Variants in SH3GL2 observed in about 807,000 individuals in gnomAD.
SH3GL2 encodes the protein endophilin-A1.
Under a neutral mutation model 46.0 loss-of-function variants are expected in SH3GL2, and 24 were observed. That is an observed-to-expected ratio of 0.52 (90% CI 0.38 to 0.73). The LOEUF (loss-of-function observed/expected upper bound fraction) is 0.73, where lower values mean the gene tolerates loss of function less well. Among genes scored for constraint, SH3GL2 ranks in the 30% least tolerant of loss-of-function variants. The pLI is 0.00. For synonymous variants in SH3GL2, 196 were observed against 147.1 expected (o/e 1.33, Z -2.40); for missense variants, 413 against 424.2 (o/e 0.97, Z 0.23).
intron 1 of SH3GL2, among the ~76,000 whole-genome samples, chr9:17,746,061 T>A (rs1411446724): frequency 1.3e-5 from 2 of 152,100 alleles, no homozygotes; most frequent in African/African-American, 2.4e-5. Flanking sequence ...TTTCAGAATA[T>A]AAAAGTGTAT....
At chr9:17,775,768 A>G (rs1369865419) in intron 3 of SH3GL2, among the ~76,000 whole-genome samples, 3 of 152,128 alleles carry the variant, frequency 2.0e-5, no homozygotes, top group African/African-American at 7.2e-5. Context: ...ATGGATGCTA[A>G]AGCCATTAGG....
chr9:17,697,534 C>T (rs1397873623), intron 1 of SH3GL2, among the ~76,000 whole-genome samples: 2 of 151,880 alleles, frequency 1.3e-5, no homozygotes, highest in African/African-American at 4.8e-5. Context: ...AAATGCATTT[C>T]TATACAGGTC....
intron 1 of SH3GL2, among the ~76,000 whole-genome samples, chr9:17,644,343 T>A (rs1240639963): frequency 6.6e-6 from 1 of 152,184 alleles, no homozygotes; most frequent in African/African-American, 2.4e-5. Context: ...TCTGCTCTGA[T>A]CTTAGTTATT....
intron 1 of SH3GL2, among the ~76,000 whole-genome samples, chr9:17,614,226 G>C (rs1196788416): frequency 7.7e-6 from 1 of 130,456 alleles, no homozygotes; most frequent in African/African-American, 2.9e-5. Context: ...TTCTTTCTCA[G>C]TCTTGACAAA....
chr9:17,657,501 T>C lies in SH3GL2; in HGVS notation c.45+78214T>C, dbSNP rs146346462. On this transcript the variant is annotated intron_variant, in intron 1 of 8. Transcript: ENST00000380607. The stretch of plus-strand genomic sequence containing the variant: ...ACGGATTTTGGTGTTATTCTAATTA[T>C]TCCTTTAAGCAAGTCATTTACGTTT... Among the ~76,000 whole-genome samples, 6 of 152,300 alleles carry C rather than the reference T, an allele frequency of 3.9e-5. No homozygotes were observed. In the East Asian group the frequency reaches 1.2e-3, roughly 29 times the overall value.
intron 2 of SH3GL2, among the ~76,000 whole-genome samples, chr9:17,756,107 C>T (rs12376522): frequency 0.055 from 8,311 of 151,860 alleles, 307 homozygotes; most frequent in Non-Finnish European, 0.083. Context: ...CCATTGACAG[C>T]GTTTAAATGA....
intron 1 of SH3GL2, among the ~76,000 whole-genome samples, chr9:17,719,793 GAAAAA>G (rs59406335): frequency 8.1e-6 from 1 of 123,542 alleles, no homozygotes; most frequent in African/African-American, 3.0e-5. Context: ...ACCCTGTCTT[GAAAAA>G]AAAAAAAAAA....
Position 17,645,182 on chromosome 9 carries a change from T to TTTTTTTTTTTTTTTTTTTTTTA in SH3GL2, c.45+65895_45+65896insTTTTTTTTTTTTTTTTTTTTTA, listed in dbSNP as rs1819781790. On this transcript the variant is annotated intron_variant, in intron 1 of 8. Coordinates refer to ENST00000380607, the MANE Select transcript of SH3GL2 (RefSeq NM_003026.5). ...TTTTTTTTTTTTTTTTTTTTTTTTT[T>TTTTTTTTTTTTTTTTTTTTTTA]GCTTTCCATTGCTTGGTAAATCTTC... Among the ~76,000 whole-genome samples the TTTTTTTTTTTTTTTTTTTTTTA allele has an allele frequency of 3.4e-4, 25 of 72,756 alleles. 2 individuals are homozygous for TTTTTTTTTTTTTTTTTTTTTTA. Among genetic ancestry groups the TTTTTTTTTTTTTTTTTTTTTTA allele is most frequent in the South Asian group, 1.7e-3 (3 of 1,768 alleles). 47.7% of individuals were successfully genotyped at this position (72,756 alleles called of 152,430 possible). A position where few individuals can be genotyped will look rare whatever the true frequency, so the allele number is the denominator to read the frequency against.
chr9:17,708,738 T>A (rs1821540355), intron 1 of SH3GL2, among the ~76,000 whole-genome samples: 2 of 151,970 alleles, frequency 1.3e-5, no homozygotes, highest in East Asian at 3.9e-4. Context: ...TAGTTTAAAA[T>A]GTTCTATTTA....
intron 1 of SH3GL2, among the ~76,000 whole-genome samples, chr9:17,705,930 A>T (rs1368136655): frequency 1.3e-5 from 2 of 152,016 alleles, no homozygotes; most frequent in Non-Finnish European, 2.9e-5. Flanking sequence ...CTGCATGTGT[A>T]CCCCATAGTG....
chr9:17,692,643 C>CAAA (rs35932722), intron 1 of SH3GL2, among the ~76,000 whole-genome samples: 92 of 147,954 alleles, frequency 6.2e-4, no homozygotes, highest in Middle Eastern at 7.1e-3. Context: ...GACTCCATCT[C>CAAA]AAAAAAAAAA....
At chr9:17,775,771 C>T (rs1450908358) in intron 3 of SH3GL2, among the ~76,000 whole-genome samples, 1 of 152,104 alleles carries the variant, frequency 6.6e-6, no homozygotes, top group Non-Finnish European at 1.5e-5. Context: ...GATGCTAAAG[C>T]CATTAGGTTT....
chr9:17,656,428 T>G (rs890524088), intron 1 of SH3GL2, among the ~76,000 whole-genome samples: 2 of 152,082 alleles, frequency 1.3e-5, no homozygotes, highest in African/African-American at 4.8e-5. Flanking sequence ...GTTCCATAAT[T>G]GAAAAAATAT....
At chr9:17,608,350 G>A (rs1818799210) in intron 1 of SH3GL2, among the ~76,000 whole-genome samples, 5 of 152,046 alleles carry the variant, frequency 3.3e-5, no homozygotes, top group Admixed American at 2.6e-4. Flanking sequence ...GTTTCACCGT[G>A]TTAGCCGGGA....
At chr9:17,725,747 G>T (rs1195729633) in intron 1 of SH3GL2, among the ~76,000 whole-genome samples, 1 of 152,248 alleles carries the variant, frequency 6.6e-6, no homozygotes, top group East Asian at 1.9e-4. Flanking sequence ...GCACAAATGG[G>T]AACTGAATGG....
At chr9:17,746,651 C>A (rs947545543) in intron 1 of SH3GL2, among the ~76,000 whole-genome samples, 4 of 152,098 alleles carry the variant, frequency 2.6e-5, no homozygotes, top group African/African-American at 9.7e-5. Context: ...TGTTCAATAG[C>A]CCATTTAGGA....
intron 1 of SH3GL2, among the ~76,000 whole-genome samples, chr9:17,621,775 G>C (rs1212826592): frequency 1.3e-5 from 2 of 152,168 alleles, no homozygotes; most frequent in East Asian, 3.9e-4. Flanking sequence ...CCATTACATG[G>C]ATCACTCAGG....
rs548967177 is a variant in SH3GL2, at chr9:17,680,596, AT to A, written c.46-66464del. On this transcript the variant is annotated intron_variant, in intron 1 of 8. Coordinates refer to ENST00000380607, the MANE Select transcript of SH3GL2 (RefSeq NM_003026.5). ...AAAAAACCAGCTCCTGGATTCATTGATTTTTTGAAGGGTTTTTTGTGTCTCT... is the reference window on the plus strand; with the variant it reads ...AAAAAACCAGCTCCTGGATTCATTGATTTTTGAAGGGTTTTTTGTGTCTCT... Among the ~76,000 whole-genome samples, 89 of 151,888 alleles carry A rather than the reference AT, an allele frequency of 5.9e-4. 1 individual carries two copies. The highest frequency in any genetic ancestry group is 2.1e-3 in the African/African-American group (86 of 41,390).
At position 17,647,981 on chromosome 9, in the gene SH3GL2, C is replaced by T. The variant is rs140481697; in HGVS notation, c.45+68694C>T. Among the ~76,000 whole-genome samples, 120 of 152,278 alleles carry T rather than the reference C, an allele frequency of 7.9e-4. 1 individual carries two copies. In the East Asian group the frequency reaches 0.013, roughly 17 times the overall value. ...GAAGATGAAGACCTTTGTGATGATG[C>T]ACTTCTATTTAATGGACAGTAAATA... On this transcript the variant is annotated intron_variant, in intron 1 of 8. Coordinates refer to ENST00000380607, the MANE Select transcript of SH3GL2 (RefSeq NM_003026.5).
Sources: gnomAD v4.1 joint callset for allele counts (sites outside exome capture counted in the v4.1 genomes callset) on GRCh38, gnomAD v4.1.1 for gene constraint, MANE v1.5 for transcripts, NCBI Gene and HGNC (gene_info 2026-07-23, HGNC 2026-07-21) for gene names.